IFRD1: variants seen among roughly 807,000 people sequenced by gnomAD.
IFRD1 encodes interferon related developmental regulator 1, also known as interferon-related developmental regulator 1.
A neutral mutation model predicts 52.9 loss-of-function variants in IFRD1; 35 were observed. The ratio of observed to expected loss-of-function variants is 0.66; its 90% CI spans 0.51 to 0.88. The LOEUF (loss-of-function observed/expected upper bound fraction) is 0.88. Ranked by LOEUF, IFRD1 falls within the 40% of genes least tolerant of loss-of-function variation. IFRD1 has a pLI of 0.00. For missense variants in IFRD1, 517 were observed against 550.8 expected, an observed-to-expected ratio of 0.94 and a Z score of 0.61; for synonymous variants, 184 against 188.4, an observed-to-expected ratio of 0.98 and a Z score of 0.19.
chr7:112,471,001 T>A (rs1795730990), intron 9 of IFRD1, among the ~76,000 whole-genome samples: 4 of 152,064 alleles, frequency 2.6e-5, no homozygotes, highest in Admixed American at 2.6e-4. Context: ...GGGACAGAGG[T>A]TTGTCTGTTA....
chr7:112,470,845 A>G (rs1333362836), intron 9 of IFRD1, among the ~76,000 whole-genome samples: 1 of 152,240 alleles, frequency 6.6e-6, no homozygotes, highest in African/African-American at 2.4e-5. Context: ...GTGGAAAGAA[A>G]GAATAGTCTA....
intron 1 of IFRD1, among the ~76,000 whole-genome samples, chr7:112,451,293 G>A (rs1282173013): frequency 6.6e-6 from 1 of 152,214 alleles, no homozygotes; most frequent in Non-Finnish European, 1.5e-5. Context: ...CCGGGGTGAC[G>A]CAGAGGCGCT....
At chr7:112,460,123 G>GTT (rs149426275) in intron 5 of IFRD1, among the ~76,000 whole-genome samples, 1 of 150,964 alleles carries the variant, frequency 6.6e-6, no homozygotes. Flanking sequence ...TTGTATGTAA[G>GTT]TTTTTTTGTC....
intron 8 of IFRD1, among the ~76,000 whole-genome samples, chr7:112,464,706 G>A (rs1294644641): frequency 6.6e-6 from 1 of 152,164 alleles, no homozygotes; most frequent in Non-Finnish European, 1.5e-5. Flanking sequence ...ATTATTTGGT[G>A]GGCAGAATTA....
At chr7:112,443,875 A>C (rs1003009247) in intron 1 of IFRD1, among the ~76,000 whole-genome samples, 4 of 151,340 alleles carry the variant, frequency 2.6e-5, no homozygotes, top group Non-Finnish European at 5.9e-5. Context: ...AAAAAAAAAA[A>C]AACCCAAAAA....
chr7:112,445,143 T>C (rs1445830529), intron 1 of IFRD1, among the ~76,000 whole-genome samples: 3 of 147,776 alleles, frequency 2.0e-5, no homozygotes, highest in South Asian at 2.2e-4. Flanking sequence ...CTCGGCTCAC[T>C]GCAAGCTCCG....
At chr7:112,451,565 C>T (rs1313513711) in intron 1 of IFRD1, among the ~76,000 whole-genome samples, 5 of 152,124 alleles carry the variant, frequency 3.3e-5, no homozygotes, top group Non-Finnish European at 7.4e-5. Context: ...TTGCAGTTGG[C>T]TAAAAGTTGA....
intron 1 of IFRD1, among the ~76,000 whole-genome samples, chr7:112,443,904 CA>C (rs956313696): frequency 2.7e-5 from 4 of 148,478 alleles, no homozygotes; most frequent in African/African-American, 9.9e-5. Context: ...CATCCCCCAC[CA>C]AAAAAACAAA....
In IFRD1 at chr7:112,450,771, C is replaced by T. The variant is rs779183830; in HGVS notation, c.83C>T (p.Ala28Val). Residue 28 changes from alanine to valine, a missense_variant, in exon 1 of 12, where the codon GCG becomes GTG. Coordinates refer to ENST00000403825, the MANE Select transcript of IFRD1 (RefSeq NM_001550.4). ...GGGTCAGGAGCAGCCGCAGCGACGG[C>T]GGCGACAGCAGGTAAGGGGTATCCC... ...GGGSGAAAAT[A>V]ATAGGQHRNV... 1.9e-6 allele frequency: 3 copies of T among 1,611,664 alleles called. No homozygotes were observed. The highest frequency in any genetic ancestry group is 1.7e-5 in the Admixed American group (1 of 60,004).
chr7:112,467,795 A>AT lies in IFRD1; in HGVS notation c.907-183dup, dbSNP rs1184998348. ...TGTAGTACATCATCTTGTAGTCAGC[A>AT]TTTCTGGGTTCGATTTTTGCATGAA... On this transcript the variant is annotated intron_variant, in intron 8 of 11. Coordinates refer to ENST00000403825, the MANE Select transcript of IFRD1 (RefSeq NM_001550.4). 6.5e-6 allele frequency: 4 copies of AT among 617,736 alleles called. No individual in the cohort carries two copies. In the African/African-American group the frequency reaches 7.4e-5, roughly 11 times the overall value. The allele number at this position is 617,736 out of a possible 1,614,324, so 38.3% of individuals were successfully genotyped here.
At chr7:112,450,091 CG>C (rs1795112890), upstream of IFRD1, 1 of 155,228 alleles carries the variant, frequency 6.4e-6, no homozygotes, top group South Asian at 1.7e-4. Flanking sequence ...AGGGCATACT[CG>C]CCCCACTGTG....
chr7:112,433,882 G>A (rs1477751576), intron 1 of IFRD1, among the ~76,000 whole-genome samples: 8 of 152,254 alleles, frequency 5.3e-5, no homozygotes, highest in East Asian at 3.9e-4. Context: ...GTGCAGTGGC[G>A]TGATCTTGGC....
At chr7:112,444,998 C>G (rs1039862046) in intron 1 of IFRD1, among the ~76,000 whole-genome samples, 2 of 151,620 alleles carry the variant, frequency 1.3e-5, no homozygotes, top group African/African-American at 4.9e-5. Context: ...GGAACAAGCA[C>G]TCAGGTTCCC....
chr7:112,426,947 G>A (rs1794441520), intron 1 of IFRD1, among the ~76,000 whole-genome samples: 1 of 152,114 alleles, frequency 6.6e-6, no homozygotes, highest in South Asian at 2.1e-4. Context: ...CCTAACCAAG[G>A]TACATCTTAT....
chr7:112,459,852 C>G (rs1010911463), intron 5 of IFRD1, among the ~76,000 whole-genome samples: 1 of 152,230 alleles, frequency 6.6e-6, no homozygotes, highest in African/African-American at 2.4e-5. Context: ...TACCAGCCAC[C>G]TGGAGGCTGG....
chr7:112,470,869 T>C (rs1431316128), intron 9 of IFRD1, among the ~76,000 whole-genome samples: 1 of 152,234 alleles, frequency 6.6e-6, no homozygotes, highest in Non-Finnish European at 1.5e-5. Context: ...ATGTTCAGTA[T>C]AGTTGCAATT....
chr7:112,465,722 A>G (rs1795591945), intron 8 of IFRD1, among the ~76,000 whole-genome samples: 1 of 152,166 alleles, frequency 6.6e-6, no homozygotes, highest in Non-Finnish European at 1.5e-5. Flanking sequence ...GTATAGATCT[A>G]CATGGTGGAT....
chr7:112,443,302 G>A (rs1349011287), intron 1 of IFRD1, among the ~76,000 whole-genome samples: 1 of 152,214 alleles, frequency 6.6e-6, no homozygotes, highest in Non-Finnish European at 1.5e-5. Context: ...AGAACTGGTT[G>A]TAGACTGGGT....
chr7:112,430,588 G>A (rs776534792), intron 1 of IFRD1, among the ~76,000 whole-genome samples: 1 of 152,078 alleles, frequency 6.6e-6, no homozygotes, highest in Non-Finnish European at 1.5e-5. Flanking sequence ...TGTTGCCCTG[G>A]GAACACTAGA....
Sources: allele counts gnomAD v4.1 joint callset (sites outside exome capture counted in the v4.1 genomes callset), GRCh38; gene constraint gnomAD v4.1.1; transcripts MANE v1.5; gene names NCBI Gene and HGNC (gene_info 2026-07-23, HGNC 2026-07-21).